Variants in PREX1 observed in about 807,000 individuals in gnomAD.
PREX1 encodes the protein phosphatidylinositol 3,4,5-trisphosphate-dependent Rac exchanger 1 protein.
Under a neutral mutation model 198.3 loss-of-function variants are expected in PREX1, and 41 were observed. That is an observed-to-expected ratio of 0.21 (90% CI 0.16 to 0.27). The LOEUF (loss-of-function observed/expected upper bound fraction) is 0.27, where lower values mean the gene tolerates loss of function less well. Among genes scored for constraint, PREX1 ranks in the 10% least tolerant of loss-of-function variants. PREX1 has a pLI of 1.00. For missense variants in PREX1, 1,620 were observed against 2,200.7 expected (o/e 0.74, Z 5.28); for synonymous variants, 843 against 887.2 (o/e 0.95, Z 0.89).
chr20:48,665,287 C>T lies in PREX1; in HGVS notation c.1738+996G>A, dbSNP rs866509682. ...CCCCAGACGGCCTGAATTCTAATCC[C>T]GGCTCCAGACGGCCTGAATTCTAAT... On this transcript the variant is annotated intron_variant, in intron 15 of 39. Transcript: ENST00000371941. Among the ~76,000 whole-genome samples the T allele has an allele frequency of 6.5e-3, 943 of 144,834 alleles. 10 individuals carry two copies. The highest frequency in any genetic ancestry group is 0.024 in the African/African-American group (883 of 37,410).
intron 1 of PREX1, among the ~76,000 whole-genome samples, chr20:48,748,259 TA>T (rs1277928707): frequency 6.6e-6 from 1 of 152,158 alleles, no homozygotes; most frequent in Non-Finnish European, 1.5e-5. Flanking sequence ...ATTTTTTTTT[TA>T]CTTTGCTTTA....
chr20:48,744,152 G>A (rs1002861328), intron 3 of PREX1, among the ~76,000 whole-genome samples: 5 of 152,100 alleles, frequency 3.3e-5, no homozygotes, highest in African/African-American at 1.2e-4. Context: ...GATGTTTGGT[G>A]GCATCCCTGG....
At chr20:48,632,223 C>T in intron 35 of PREX1, 54 bp downstream of exon 35, 2 of 1,558,810 alleles carry the variant, frequency 1.3e-6, no homozygotes, top group South Asian at 1.1e-5. Context: ...CTAATGCCCA[C>T]TCCACGTGGA....
At chr20:48,755,223 T>C (rs1015603711) in intron 1 of PREX1, among the ~76,000 whole-genome samples, 1 of 152,196 alleles carries the variant, frequency 6.6e-6, no homozygotes, top group Non-Finnish European at 1.5e-5. Flanking sequence ...ACATAAAATA[T>C]AATCTCACTG....
At chr20:48,714,034 G>T (rs971941100) in intron 5 of PREX1, among the ~76,000 whole-genome samples, 5 of 152,164 alleles carry the variant, frequency 3.3e-5, no homozygotes, top group African/African-American at 1.2e-4. Context: ...GAATATCCAT[G>T]TGCAACAAAA....
At chr20:48,635,980 C>T (rs1217058703) in intron 32 of PREX1, among the ~76,000 whole-genome samples, 1 of 152,200 alleles carries the variant, frequency 6.6e-6, no homozygotes, top group Non-Finnish European at 1.5e-5. Context: ...AGAGGGCGCT[C>T]CAAGGCCAGG....
chr20:48,642,143 C>A, intron 29 of PREX1, 25 bp downstream of exon 29: 2 of 1,609,104 alleles, frequency 1.2e-6, no homozygotes, highest in South Asian at 2.2e-5. Flanking sequence ...CGCAGGCTGT[C>A]ACCTTGGACT....
chr20:48,713,857 TAAA>T (rs71337452), intron 5 of PREX1, among the ~76,000 whole-genome samples: 111 of 81,734 alleles, frequency 1.4e-3, no homozygotes, highest in African/African-American at 5.9e-3. Flanking sequence ...CCCAGAACTA[TAAA>T]AAAAAAAAAA....
At chr20:48,752,898 C>G (rs2122804019) in intron 1 of PREX1, among the ~76,000 whole-genome samples, 1 of 152,330 alleles carries the variant, frequency 6.6e-6, no homozygotes, top group East Asian at 1.9e-4. Context: ...GCTGCAGACA[C>G]TTGTTTCAAA....
At chr20:48,665,685 G>A (rs1455658362) in intron 15 of PREX1, among the ~76,000 whole-genome samples, 5 of 152,196 alleles carry the variant, frequency 3.3e-5, no homozygotes, top group African/African-American at 9.7e-5. Context: ...TCTAGAAAGA[G>A]CCCAGGCACA....
chr20:48,791,472 A>G (rs190256187), intron 1 of PREX1, among the ~76,000 whole-genome samples: 88 of 152,320 alleles, frequency 5.8e-4, no homozygotes, highest in Non-Finnish European at 6.2e-4. Context: ...GGTAAAGTCA[A>G]GGACTACAGA....
chr20:48,879,734 C>G, the PREX1 span, among the ~76,000 whole-genome samples: 1 of 152,220 alleles, frequency 6.6e-6, no homozygotes, highest in Non-Finnish European at 1.5e-5. Context: ...GTAACCTCTT[C>G]TGATCCTAAA....
chr20:48,640,409 A>G (rs980892678), intron 29 of PREX1, among the ~76,000 whole-genome samples: 1 of 152,216 alleles, frequency 6.6e-6, no homozygotes, highest in African/African-American at 2.4e-5. Flanking sequence ...GAGGCCAGGA[A>G]GAAAAAGGCC....
chr20:48,752,524 C>A (rs1268437939), intron 1 of PREX1, among the ~76,000 whole-genome samples: 2 of 152,136 alleles, frequency 1.3e-5, no homozygotes, highest in South Asian at 2.1e-4. Flanking sequence ...GCCAGAGGTG[C>A]GGAAGAAGTA....
intron 1 of PREX1, among the ~76,000 whole-genome samples, chr20:48,750,063 G>A (rs1209130475): frequency 2.3e-5 from 3 of 129,546 alleles, no homozygotes; most frequent in Non-Finnish European, 5.4e-5. Context: ...AACTCACACC[G>A]AACTCTTCCC....
the PREX1 span, among the ~76,000 whole-genome samples, chr20:48,860,176 G>A: frequency 6.6e-6 from 1 of 152,228 alleles, no homozygotes; most frequent in African/African-American, 2.4e-5. Context: ...TCTACATGCA[G>A]TGAAATAGAT....
intron 26 of PREX1, 54 bp downstream of exon 26, chr20:48,645,797 C>CG (rs1029967810): frequency 1.9e-6 from 3 of 1,583,494 alleles, no homozygotes; most frequent in Non-Finnish European, 1.7e-6. Flanking sequence ...TCCGTGGCCT[C>CG]ACCTGTCCAG....
At chr20:48,645,824 C>T in intron 26 of PREX1, 27 bp downstream of exon 26, 2 of 1,610,946 alleles carry the variant, frequency 1.2e-6, no homozygotes, top group Non-Finnish European at 1.7e-6. Context: ...CCTCATCTAA[C>T]CTCAGCCCCC....
At chr20:48,866,586 C>T in the PREX1 span, among the ~76,000 whole-genome samples, 1 of 152,142 alleles carries the variant, frequency 6.6e-6, no homozygotes, top group Admixed American at 6.5e-5. Context: ...GGATGGGTTG[C>T]CCCTCCCATG....
Sources: gnomAD v4.1 joint callset for allele counts (sites outside exome capture counted in the v4.1 genomes callset) on GRCh38, gnomAD v4.1.1 for gene constraint, MANE v1.5 for transcripts, NCBI Gene and HGNC (gene_info 2026-07-23, HGNC 2026-07-21) for gene names.